The following MYO18B variants were observed in gnomAD, a reference collection of about 807,000 sequenced individuals.
MYO18B encodes unconventional myosin-XVIIIb.
MYO18B carries 204 observed loss-of-function variants against 273.0 expected under a neutral mutation model. The ratio of observed to expected loss-of-function variants is 0.75; its 90% confidence interval spans 0.67 to 0.84. The LOEUF (loss-of-function observed/expected upper bound fraction) is 0.84. MYO18B is among the 40% of genes least tolerant of loss of function. MYO18B has a pLI of 0.00. For synonymous variants in MYO18B, 1,330 were observed against 1,305.7 expected (o/e 1.02, Z -0.40); for missense variants, 3,212 against 3,287.6 (o/e 0.98, Z 0.56).
intron 7 of MYO18B, among the ~76,000 whole-genome samples, chr22:25,774,729 C>T (rs2086850743): frequency 1.3e-5 from 2 of 152,190 alleles, no homozygotes; most frequent in Admixed American, 1.3e-4. Context: ...CTGAGACCAC[C>T]TCGAGGATGG....
intron 42 of MYO18B, among the ~76,000 whole-genome samples, chr22:26,014,419 T>G (rs1041683144): frequency 2.6e-5 from 4 of 152,234 alleles, no homozygotes; most frequent in Non-Finnish European, 4.4e-5. Context: ...AATTATTCTT[T>G]CAGGTCAGCA....
chr22:25,777,996 G>A (rs991705515), intron 8 of MYO18B, among the ~76,000 whole-genome samples: 1 of 152,138 alleles, frequency 6.6e-6, no homozygotes, highest in East Asian at 1.9e-4. Flanking sequence ...AGACATTGAC[G>A]GCCGTTTGCA....
At position 25,851,557 on chromosome 22, in the gene MYO18B, C is replaced by G; in HGVS notation, c.3863C>G (p.Ser1288Cys). 2 of 1,558,248 alleles carry G rather than the reference C, an allele frequency of 1.3e-6. No homozygotes were observed. The highest frequency in any genetic ancestry group is 1.2e-5 in the South Asian group (1 of 84,306). ...APLLKKLMST[S>C]EGIDERKAVE... ...CTCCTGAAGAAGCTCATGTCGACCT[C>G]CGAGGGAATAGATGAAAGGAAGGTA... is the stretch of plus-strand genomic sequence containing the variant. Residue 1288 changes from serine to cysteine, a missense_variant, in exon 21 of 44, where the codon TCC becomes TGC. Ser to Cys is a moderately radical substitution (Grantham distance 112). Transcript: ENST00000335473.
rs149904303 is a variant in MYO18B at position 25,759,343 on chromosome 22, G to A, written c.-109-1641G>A. Among the ~76,000 whole-genome samples, 167 of 150,840 alleles carry A rather than the reference G, an allele frequency of 1.1e-3. 1 individual carries two copies. The highest frequency in any genetic ancestry group is 2.8e-3 in the Admixed American group (43 of 15,198). ...GTGGCACATGTAATACTATGCAGCC[G>A]TAAGAGAGAATGAGTTCATGTCCTT... On this transcript the variant is annotated intron_variant, in intron 1 of 43. Transcript: ENST00000335473.
At chr22:25,882,071 C>G (rs5761299) in intron 25 of MYO18B, among the ~76,000 whole-genome samples, 2 of 152,208 alleles carry the variant, frequency 1.3e-5, no homozygotes, top group African/African-American at 4.8e-5. Context: ...CTTCAACACT[C>G]TAAGGGTGGG....
intron 34 of MYO18B, among the ~76,000 whole-genome samples, chr22:25,922,805 G>A (rs577407737): frequency 2.0e-5 from 3 of 152,304 alleles, no homozygotes; most frequent in African/African-American, 7.2e-5. Context: ...CACAGCTTCG[G>A]CTGCTTCCAG....
intron 21 of MYO18B, among the ~76,000 whole-genome samples, chr22:25,867,945 A>G (rs2090938220): frequency 6.6e-6 from 1 of 152,122 alleles, no homozygotes; most frequent in African/African-American, 2.4e-5. Context: ...CTCTGATTTC[A>G]GTTCATTTAT....
chr22:25,805,183 C>T (rs1176441716), intron 12 of MYO18B, among the ~76,000 whole-genome samples: 2 of 152,202 alleles, frequency 1.3e-5, no homozygotes, highest in African/African-American at 4.8e-5. Flanking sequence ...TGATTTAGCA[C>T]ATGGCATCCC....
At chr22:25,825,099 G>T (rs1285199644) in intron 13 of MYO18B, among the ~76,000 whole-genome samples, 1 of 152,126 alleles carries the variant, frequency 6.6e-6, no homozygotes, top group Non-Finnish European at 1.5e-5. Flanking sequence ...ATATGCACAG[G>T]CACAAACACC....
At chr22:25,761,640 T>A (rs887850985) in intron 2 of MYO18B, among the ~76,000 whole-genome samples, 13 of 152,230 alleles carry the variant, frequency 8.5e-5, no homozygotes, top group Non-Finnish European at 1.9e-4. Context: ...TACGAAGGGC[T>A]GCCTCTTTCT....
chr22:25,980,252 A>G (rs1427779751), intron 39 of MYO18B, among the ~76,000 whole-genome samples: 1 of 152,218 alleles, frequency 6.6e-6, no homozygotes, highest in African/African-American at 2.4e-5. Flanking sequence ...TCTGCAGGCA[A>G]ACTCTTTATC....
chr22:25,896,630 G>A (rs1340377517), intron 28 of MYO18B: 2 of 151,908 alleles, frequency 1.3e-5, no homozygotes, highest in Non-Finnish European at 2.9e-5. Context: ...TTTTTATCTA[G>A]CCTTTCTAGA....
At chr22:25,813,084 C>T (rs957847066) in intron 12 of MYO18B, among the ~76,000 whole-genome samples, 7 of 151,186 alleles carry the variant, frequency 4.6e-5, no homozygotes, top group Middle Eastern at 6.8e-3. Context: ...TCTCCCCTCC[C>T]CTCTTCCCTC....
At chr22:25,931,339 C>T (rs2092497770) in intron 34 of MYO18B, among the ~76,000 whole-genome samples, 1 of 152,204 alleles carries the variant, frequency 6.6e-6, no homozygotes, top group African/African-American at 2.4e-5. Context: ...GGGGACATCT[C>T]CCCAAAAGGA....
intron 40 of MYO18B, among the ~76,000 whole-genome samples, chr22:25,994,478 A>G (rs1933018852): frequency 1.3e-5 from 2 of 152,166 alleles, no homozygotes; most frequent in Admixed American, 1.3e-4. Context: ...GTCTCAGAAA[A>G]TAAATTAAAA....
chr22:25,880,155 G>T (rs1438252534), intron 25 of MYO18B, among the ~76,000 whole-genome samples: 1 of 152,194 alleles, frequency 6.6e-6, no homozygotes, highest in Non-Finnish European at 1.5e-5. Context: ...AGACTTTCAG[G>T]ACTGGGGAAA....
chr22:25,793,520 T>C (rs2087769688), intron 11 of MYO18B, among the ~76,000 whole-genome samples: 1 of 152,152 alleles, frequency 6.6e-6, no homozygotes. Flanking sequence ...ATGACAGGCA[T>C]GAGCCACCAC....
rs144522325 is a variant in MYO18B at position 26,019,115 on chromosome 22, C to T, written c.6471-7330C>T. Among the ~76,000 whole-genome samples the T allele has an allele frequency of 5.0e-3, 754 of 152,268 alleles. 3 individuals are homozygous for T. The highest frequency in any genetic ancestry group is 0.017 in the Middle Eastern group (5 of 294). ...GGTTTTTTTCCAGACTCAACACCTA[C>T]ACTGCTCTCCCCAGGAGGGGAGGGC... On this transcript the variant is annotated intron_variant, in intron 42 of 43. Transcript: ENST00000335473.
rs535121125 is a variant in MYO18B, at chr22:25,906,705, C to G, written c.5149-1617C>G. 2.0e-5 allele frequency among the ~76,000 whole-genome samples: 3 copies of G among 152,052 alleles called. 1 individual carries two copies. In the South Asian group the frequency reaches 6.2e-4, roughly 32 times the overall value. On this transcript the variant is annotated intron_variant, in intron 31 of 43. Transcript: ENST00000335473. ...AAAGAGGTTTAATTGACTCACAGTT[C>G]CACATGGCTGGGGAGGCCTCAGGAA...
Sources: allele counts gnomAD v4.1 joint callset (sites outside exome capture counted in the v4.1 genomes callset), GRCh38; gene constraint gnomAD v4.1.1; transcripts MANE v1.5; gene names NCBI Gene and HGNC (gene_info 2026-07-23, HGNC 2026-07-21).